ZNF287: variants seen among roughly 807,000 people sequenced by gnomAD.
ZNF287 encodes zinc finger protein 287.
Under a neutral mutation model 73.7 loss-of-function variants are expected in ZNF287, and 31 were observed. The observed-to-expected ratio is 0.42, with a 90% confidence interval of 0.32 to 0.57. The LOEUF is 0.57. Ranked by LOEUF, ZNF287 falls within the 20% of genes least tolerant of loss-of-function variation. ZNF287 has a pLI of 0.13. For synonymous variants in ZNF287, 301 were observed against 307.2 expected (o/e 0.98, Z 0.21); for missense variants, 641 against 909.3 (o/e 0.70, Z 3.79).
At chr17:16,555,601 A>AACACACACACACAC (rs201011881) in intron 5 of ZNF287, among the ~76,000 whole-genome samples, 1 of 128,162 alleles carries the variant, frequency 7.8e-6, no homozygotes, top group South Asian at 2.7e-4. Context: ...CACATAACCA[A>AACACACACACACAC]ACACACACAC....
chr17:16,564,817 G>A (rs762741749), intron 3 of ZNF287, among the ~76,000 whole-genome samples: 7 of 151,246 alleles, frequency 4.6e-5, no homozygotes, highest in Admixed American at 6.6e-5. Flanking sequence ...TTGCTCTGTC[G>A]CCCAGGCTGG....
In ZNF287 at chr17:16,552,957, C is replaced by A. The variant is rs142954560; in HGVS notation, c.1185G>T (p.Ser395=). ...KHQSTHAKEK[S]YECEECGKEF... is the part of the protein sequence containing the mutation. Reference sequence around the variant, plus strand: ...CTTTCCCACATTCTTCACATTCATACGATTTCTCTTTGGCATGGGTACTTT... The same window carrying A: ...CTTTCCCACATTCTTCACATTCATAAGATTTCTCTTTGGCATGGGTACTTT... The change falls in exon 6 of 6, where the codon TCG becomes TCT. Residue 395 remains serine (S), a synonymous_variant. Transcript: ENST00000395825. This position sits in a 1 kb window ranked among gnomAD's most constrained non-coding sequence, Gnocchi z 6.5. The A allele has an allele frequency of 6.2e-7, 1 of 1,613,954 alleles. No homozygotes were observed. Among genetic ancestry groups the A allele is most frequent in the African/African-American group, 1.3e-5 (1 of 74,884 alleles).
Position 16,550,846 on chromosome 17 carries a change from AC to A in ZNF287, c.*1009del, listed in dbSNP as rs763007250. ...CAGGTGAAAAAAATGGGAACTGTAT[AC>A]TTTATACCTACTTTTTTCCTTCAGG... On this transcript the variant is annotated 3_prime_UTR_variant, in exon 6 of 6. Coordinates refer to ENST00000395825, the MANE Select transcript of ZNF287 (RefSeq NM_020653.4). Among the ~76,000 whole-genome samples the A allele has an allele frequency of 2.6e-5, 4 of 152,236 alleles. No individual in the cohort carries two copies. The highest frequency in any genetic ancestry group is 4.4e-5 in the Non-Finnish European group (3 of 68,026).
At chr17:16,561,971 G>A (rs910203153) in intron 5 of ZNF287, among the ~76,000 whole-genome samples, 84 of 152,232 alleles carry the variant, frequency 5.5e-4, no homozygotes, top group African/African-American at 1.9e-3. Flanking sequence ...GAATGTTCAC[G>A]TTCTTAGGAG....
In ZNF287 at chr17:16,567,793, C is replaced by T. The variant is rs1907844664; in HGVS notation, c.-62G>A. 2 of 1,533,148 alleles carry T rather than the reference C, an allele frequency of 1.3e-6. No homozygotes were observed. Among genetic ancestry groups the T allele is most frequent in the Admixed American group, 4.0e-5 (2 of 50,544 alleles). 95.0% of individuals were successfully genotyped at this position (1,533,148 alleles called of 1,614,324 possible). ...TATTTCTCCAGTAGTGAGCCAACTGCTTGAAGTCTCATGCTAGAGTCACAA... is the reference window on the plus strand; with the variant it reads ...TATTTCTCCAGTAGTGAGCCAACTGTTTGAAGTCTCATGCTAGAGTCACAA... On this transcript the variant is annotated 5_prime_UTR_variant, in exon 2 of 6. Coordinates refer to ENST00000395825, the MANE Select transcript of ZNF287 (RefSeq NM_020653.4).
At position 16,569,116 on chromosome 17, in the gene ZNF287, A is replaced by G. The variant is rs914843323; in HGVS notation, c.-363T>C. On this transcript the variant is annotated 5_prime_UTR_variant, in exon 1 of 6. Transcript: ENST00000395825. ...CCGCAAAGCACAGAGTGTCCCGGCC[A>G]GGAGCTGCACGTTCCAGCCCGGTCC... 6.6e-6 allele frequency: 1 copy of G among 152,490 alleles called. No individual in the cohort carries two copies. The highest frequency in any genetic ancestry group is 1.5e-5 in the Non-Finnish European group (1 of 68,240). The allele number at this position is 152,490 out of a possible 1,614,324, so 9.4% of individuals were successfully genotyped here. A position where few individuals can be genotyped will look rare whatever the true frequency, so the allele number is the denominator to read the frequency against.
rs113842212 is a variant in ZNF287, at chr17:16,563,614, C to A, written c.628+85G>T. 10 of 1,435,092 alleles carry A rather than the reference C, an allele frequency of 7.0e-6. No homozygotes were observed. In the African/African-American group the frequency reaches 8.6e-5, roughly 12 times the overall value. The allele number at this position is 1,435,092 out of a possible 1,614,324, so 88.9% of individuals were successfully genotyped here. A position where few individuals can be genotyped will look rare whatever the true frequency, so the allele number is the denominator to read the frequency against. On this transcript the variant is annotated intron_variant, in intron 4 of 5. Transcript: ENST00000395825. ...GAGATAAGAACATTTATTTCTGGACCCCATTTTTAGCCAAGCATGTCTGAG... is the reference window on the plus strand; with the variant it reads ...GAGATAAGAACATTTATTTCTGGACACCATTTTTAGCCAAGCATGTCTGAG...
intron 3 of ZNF287, among the ~76,000 whole-genome samples, chr17:16,566,286 C>T (rs372321778): frequency 6.6e-6 from 1 of 152,028 alleles, no homozygotes; most frequent in African/African-American, 2.4e-5. Flanking sequence ...CTCGTATTCT[C>T]TATGTGATAT....
intron 2 of ZNF287, among the ~76,000 whole-genome samples, 196 bp downstream of exon 2, chr17:16,567,133 C>G (rs1408054089): frequency 6.6e-6 from 1 of 152,116 alleles, no homozygotes; most frequent in Non-Finnish European, 1.5e-5. Context: ...AGGAGAACAC[C>G]ATGCAGGATG....
At chr17:16,554,582 G>T (rs950758735) in intron 5 of ZNF287, among the ~76,000 whole-genome samples, 3 of 152,114 alleles carry the variant, frequency 2.0e-5, no homozygotes, top group African/African-American at 7.2e-5. Flanking sequence ...GATGTTTATA[G>T]TCCAGCTCAT....
At chr17:16,559,958 T>A (rs1001824182) in intron 5 of ZNF287, among the ~76,000 whole-genome samples, 4 of 151,662 alleles carry the variant, frequency 2.6e-5, no homozygotes, top group East Asian at 1.9e-4. Flanking sequence ...ATATATATAT[T>A]TTTCTTTTTT....
rs16959820 is a variant in ZNF287 at position 16,550,593 on chromosome 17, T to C, written c.*1263A>G. Among the ~76,000 whole-genome samples the C allele has an allele frequency of 0.12, 17,687 of 152,210 alleles. 2,033 individuals are homozygous for C. Among genetic ancestry groups the C allele is most frequent in the African/African-American group, 0.3 (12,253 of 41,500 alleles). On this transcript the variant is annotated 3_prime_UTR_variant, in exon 6 of 6. Coordinates refer to ENST00000395825, the MANE Select transcript of ZNF287 (RefSeq NM_020653.4). ...GCAACCCATTTTAGCAGGTTGCTTA[T>C]GCTCAACCCATGACAAAATATCACA...
rs750152557 is a variant in ZNF287 at position 16,548,938 on chromosome 17, TG to T, written c.*2917del. ...CTTCAGATATTAGGGAATTACTATT[TG>T]TTTTTTTTTTAAAGGTATGTAAATG... On this transcript the variant is annotated 3_prime_UTR_variant, in exon 6 of 6. Coordinates refer to ENST00000395825, the MANE Select transcript of ZNF287 (RefSeq NM_020653.4). Among the ~76,000 whole-genome samples, 46 of 147,968 alleles carry T rather than the reference TG, an allele frequency of 3.1e-4. No homozygotes were observed. Among genetic ancestry groups the T allele is most frequent in the Non-Finnish European group, 4.2e-4 (28 of 66,420 alleles).
At chr17:16,568,114 G>A in intron 1 of ZNF287, 185 bp from the exon 2 acceptor site, 2 of 332,438 alleles carry the variant, frequency 6.0e-6, no homozygotes, top group Non-Finnish European at 8.8e-6. Flanking sequence ...GGGGGATGGA[G>A]CTGCTATTAA....
Position 16,553,171 on chromosome 17 carries a change from T to G in ZNF287, c.971A>C (p.His324Pro). Residue 324 changes from histidine to proline, a missense_variant, in exon 6 of 6, where the codon CAT (histidine) becomes CCT (proline). His to Pro is a moderately conservative substitution (Grantham distance 77). Coordinates refer to ENST00000395825, the MANE Select transcript of ZNF287 (RefSeq NM_020653.4). ...YDIYRNNFEK[H>P]SNLIVQFDTQ... is the part of the protein sequence containing the mutation. ...ATCAAACTGTACAATTAGGTTTGAA[T>G]GCTTTTCAAAATTATTTCTATATAT... The G allele has an allele frequency of 6.2e-7, 1 of 1,605,094 alleles. No individual in the cohort carries two copies.
rs1906568756 is a variant in ZNF287 at position 16,550,405 on chromosome 17, AG to A, written c.*1450del. ...CAAGTCCAATTACATTTCATGTTAT[AG>A]CAATTATCTATGTATGTTTTCCTCA... On this transcript the variant is annotated 3_prime_UTR_variant, in exon 6 of 6. Transcript: ENST00000395825. Among the ~76,000 whole-genome samples the A allele has an allele frequency of 6.6e-6, 1 of 152,192 alleles. No individual in the cohort carries two copies. The highest frequency in any genetic ancestry group is 2.1e-4 in the South Asian group (1 of 4,832).
intron 5 of ZNF287, chr17:16,557,962 C>CA (rs1355162016): frequency 6.6e-6 from 1 of 152,172 alleles, no homozygotes; most frequent in African/African-American, 2.4e-5. Flanking sequence ...CTTGAGTATT[C>CA]AGAGCCCAAA....
At chr17:16,568,058 T>C (rs753780277) in intron 1 of ZNF287, 129 bp from the exon 2 acceptor site, 3 of 894,370 alleles carry the variant, frequency 3.4e-6, no homozygotes, top group Non-Finnish European at 4.1e-6. Context: ...CTTCCTCCCC[T>C]ATATCCTTAG....
At position 16,567,231 on chromosome 17, in the gene ZNF287, GT is replaced by G. The variant is rs1907801013; in HGVS notation, c.403+97del. On this transcript the variant is annotated intron_variant, in intron 2 of 5. Transcript: ENST00000395825. ...TAAAAAATGCATCCTGGACCTCTCAGTGCTCTCCCTGATTTCTTTAAAGGAG... is the reference window on the plus strand; with the variant it reads ...TAAAAAATGCATCCTGGACCTCTCAGGCTCTCCCTGATTTCTTTAAAGGAG... The G allele has an allele frequency of 2.0e-6, 3 of 1,478,038 alleles. No homozygotes were observed. The African/African-American group carries it at 4.2e-5, about 21-fold the overall frequency. The allele number at this position is 1,478,038 out of a possible 1,614,324, so 91.6% of individuals were successfully genotyped here.
Sources: gnomAD v4.1 joint callset for allele counts (sites outside exome capture counted in the v4.1 genomes callset) on GRCh38, gnomAD v4.1.1 for gene constraint, Gnocchi (gnomAD v3.1) non-coding constraint, MANE v1.5 for transcripts, NCBI Gene and HGNC (gene_info 2026-07-23, HGNC 2026-07-21) for gene names.